The following C1QTNF2 variants were observed in gnomAD, a reference collection of about 807,000 sequenced individuals.
The protein encoded by C1QTNF2 is C1q and TNF related 2.
In C1QTNF2, 15 loss-of-function variants were observed where a neutral mutation model predicts 17.4. The observed-to-expected ratio is 0.86, with a 90% CI of 0.58 to 1.33. The LOEUF is 1.33. Among genes scored for constraint, C1QTNF2 ranks in the 40% most tolerant of loss-of-function variants. The pLI is 0.00. For synonymous variants in C1QTNF2, 154 were observed against 163.3 expected (o/e 0.94, Z 0.44); for missense variants, 381 against 392.3 (o/e 0.97, Z 0.24).
rs369324381 is a variant in C1QTNF2, at chr5:160,354,892, G to A, written c.120C>T (p.Gly40=). The A allele has an allele frequency of 1.2e-6, 2 of 1,604,744 alleles. No individual in the cohort carries two copies. The highest frequency in any genetic ancestry group is 1.1e-5 in the South Asian group (1 of 89,376). The change falls in exon 2 of 3, where the codon GGC becomes GGT. Residue 40 remains glycine, a synonymous_variant. Transcript: ENST00000652664. ...CTGGGGGGCCGGGTGGGCCCTGGGG[G>A]CCAGGCAGGCTGCAGACCAGTTGAG... is the stretch of plus-strand genomic sequence containing the variant. ...GSPQLVCSLP[G]PQGPPGPPGA... is the part of the protein sequence containing the mutation.
rs542361525 is a variant in C1QTNF2 at position 160,357,857 on chromosome 5, G to A, written c.-9-2837C>T. The stretch of plus-strand genomic sequence containing the variant: ...TGGCAGAAAAGAGAGCCAGCCGGAC[G>A]AGAGAGAGGGAGAGAGACAGGCAGA... On this transcript the variant is annotated intron_variant, in intron 1 of 2. Coordinates refer to ENST00000652664, the MANE Select transcript of C1QTNF2 (RefSeq NM_031908.6). Among the ~76,000 whole-genome samples the A allele has an allele frequency of 1.5e-4, 23 of 151,524 alleles. No homozygotes were observed. In the East Asian group the frequency reaches 3.9e-3, roughly 26 times the overall value.
At chr5:160,355,539 C>A (rs1370649139) in intron 1 of C1QTNF2, among the ~76,000 whole-genome samples, 2 of 152,132 alleles carry the variant, frequency 1.3e-5, no homozygotes, top group African/African-American at 4.8e-5. Context: ...CCTGAGTGAC[C>A]CTGGCAGGCC....
At chr5:160,356,824 A>G (rs1433043617) in intron 1 of C1QTNF2, among the ~76,000 whole-genome samples, 1 of 152,074 alleles carries the variant, frequency 6.6e-6, no homozygotes, top group Non-Finnish European at 1.5e-5. Flanking sequence ...GAGCCTGTCC[A>G]GGCTTTTCGG....
Position 160,349,905 on chromosome 5 carries a change from T to C in C1QTNF2, c.245-124A>G. 1 of 1,153,456 alleles carries C rather than the reference T, an allele frequency of 8.7e-7. No homozygotes were observed. Among genetic ancestry groups the C allele is most frequent in the Non-Finnish European group, 1.2e-6 (1 of 849,208 alleles). 71.5% of individuals were successfully genotyped at this position (1,153,456 alleles called of 1,614,324 possible). On this transcript the variant is annotated intron_variant, in intron 2 of 2. Transcript: ENST00000652664. The surrounding 1 kb of genome is among the most constrained non-coding windows in gnomAD (Gnocchi z 4.3). ...GGGTAATAGAAAGAACAAGAAGGCTTTGCAGACATATAGAAGTGGGTGTAA... is the reference window on the plus strand; with the variant it reads ...GGGTAATAGAAAGAACAAGAAGGCTCTGCAGACATATAGAAGTGGGTGTAA...
At chr5:160,366,309 T>G (rs1246535615) in intron 1 of C1QTNF2, among the ~76,000 whole-genome samples, 1 of 152,186 alleles carries the variant, frequency 6.6e-6, no homozygotes, top group Non-Finnish European at 1.5e-5. Flanking sequence ...CACACCTCCC[T>G]TACAGAGTAA....
chr5:160,366,023 G>A (rs2113535963), intron 1 of C1QTNF2, among the ~76,000 whole-genome samples: 1 of 152,238 alleles, frequency 6.6e-6, no homozygotes, highest in Middle Eastern at 3.4e-3. Context: ...GTTCTTTAGT[G>A]GTGATTTGTG....
intron 1 of C1QTNF2, among the ~76,000 whole-genome samples, chr5:160,358,431 T>C (rs1764092115): frequency 6.6e-6 from 1 of 151,936 alleles, no homozygotes; most frequent in South Asian, 2.1e-4. Context: ...CCCCAAGGAA[T>C]CCAGGCAGAT....
chr5:160,355,807 G>A (rs918508892), intron 1 of C1QTNF2, among the ~76,000 whole-genome samples: 2 of 112,792 alleles, frequency 1.8e-5, no homozygotes, highest in Non-Finnish European at 4.4e-5. Context: ...GATATTTCTT[G>A]CGATTTTTTT....
chr5:160,355,022 T>A lies in C1QTNF2; in HGVS notation c.-9-2A>T. ...CACCCAGGGGATCATGGTGGTTACC[T>A]GTGGGAGGCAAGAGAGCTGTGACAG... On this transcript the variant is annotated splice_acceptor_variant, in intron 1 of 2. Coordinates refer to ENST00000652664, the MANE Select transcript of C1QTNF2 (RefSeq NM_031908.6). LOFTEE classifies it low-confidence loss of function (5UTR_SPLICE). 5.8e-6 allele frequency: 9 copies of A among 1,543,300 alleles called. No individual in the cohort carries two copies. The highest frequency in any genetic ancestry group is 7.9e-6 in the Non-Finnish European group (9 of 1,144,702).
At chr5:160,361,439 G>A (rs895268883) in intron 1 of C1QTNF2, among the ~76,000 whole-genome samples, 2 of 152,190 alleles carry the variant, frequency 1.3e-5, no homozygotes, top group Non-Finnish European at 2.9e-5. Context: ...ACAGTCTCCC[G>A]TTGCAGATTG....
Position 160,370,545 on chromosome 5 carries a change from G to A in C1QTNF2, c.-43C>T, listed in dbSNP as rs962579600. ...CTGCCCGCCACGTCCAGGGGCGTCCGGAGCAAAGAAGCTCTCGGCGGGGCT... is the reference window on the plus strand; with the variant it reads ...CTGCCCGCCACGTCCAGGGGCGTCCAGAGCAAAGAAGCTCTCGGCGGGGCT... On this transcript the variant is annotated 5_prime_UTR_variant, in exon 1 of 3. Coordinates refer to ENST00000652664, the MANE Select transcript of C1QTNF2 (RefSeq NM_031908.6). 8 of 1,488,274 alleles carry A rather than the reference G, an allele frequency of 5.4e-6. No homozygotes were observed. Among genetic ancestry groups the A allele is most frequent in the Non-Finnish European group, 7.1e-6 (8 of 1,126,402 alleles). The allele number at this position is 1,488,274 out of a possible 1,614,324, so 92.2% of individuals were successfully genotyped here.
intron 1 of C1QTNF2, among the ~76,000 whole-genome samples, chr5:160,365,944 GC>G (rs2113535804): frequency 7.6e-6 from 1 of 131,638 alleles, no homozygotes; most frequent in African/African-American, 2.6e-5. Context: ...CAGCAGGTGA[GC>G]TTTTTTAAAA....
intron 1 of C1QTNF2, among the ~76,000 whole-genome samples, chr5:160,364,720 C>G (rs1467975044): frequency 1.3e-5 from 2 of 152,120 alleles, no homozygotes; most frequent in East Asian, 3.8e-4. Context: ...AAAAAAAGTC[C>G]TAGGGAGGCT....
chr5:160,354,979 G>A lies in C1QTNF2; in HGVS notation c.33C>T (p.Leu11=). ...CAAGCAGTGGGTCAGCAGCACAGGG[G>A]AGGGCACAGGCCAGGAGCACCCAGG... is the stretch of plus-strand genomic sequence containing the variant. MIPWVLLACA[L]PCAADPLLGA... The change falls in exon 2 of 3, where the codon CTC becomes CTT. Residue 11 remains leucine, a synonymous_variant. Coordinates refer to ENST00000652664, the MANE Select transcript of C1QTNF2 (RefSeq NM_031908.6). 1 of 1,590,190 alleles carries A rather than the reference G, an allele frequency of 6.3e-7. No individual in the cohort carries two copies. The highest frequency in any genetic ancestry group is 8.6e-7 in the Non-Finnish European group (1 of 1,169,376).
chr5:160,353,177 C>T (rs766652397), intron 2 of C1QTNF2, among the ~76,000 whole-genome samples: 2 of 152,126 alleles, frequency 1.3e-5, no homozygotes, highest in East Asian at 3.9e-4. Context: ...CTCCGGCACA[C>T]GATATGGATG....
At chr5:160,350,846 G>C (rs968378153) in intron 2 of C1QTNF2, among the ~76,000 whole-genome samples, 1 of 151,848 alleles carries the variant, frequency 6.6e-6, no homozygotes, top group African/African-American at 2.4e-5. Context: ...CGCCTCCCAG[G>C]TTCACACCAT....
In C1QTNF2 at chr5:160,349,693, C is replaced by G; in HGVS notation, c.333G>C (p.Lys111Asn). The G allele has an allele frequency of 6.2e-7, 1 of 1,604,988 alleles. No individual in the cohort carries two copies. Among genetic ancestry groups the G allele is most frequent in the Non-Finnish European group, 8.5e-7 (1 of 1,176,836 alleles). The change falls in exon 3 of 3, where the codon AAG (lysine) becomes AAC (asparagine). Residue 111 changes from lysine to asparagine, a missense_variant. By Grantham distance (94) the Lys-to-Asn change is moderately conservative. Coordinates refer to ENST00000652664, the MANE Select transcript of C1QTNF2 (RefSeq NM_031908.6). This position sits in a 1 kb window ranked among gnomAD's most constrained non-coding sequence, Gnocchi z 4.3. ...GCTTCCCGGGGGTACCGTTGACCCC[C>G]TTGGGGCCACGGGGGCCAGCCCGCC... ...AIGRAGPRGPKGVNGTPGKHG... is the reference protein window; with the variant it reads ...AIGRAGPRGPNGVNGTPGKHG...
At chr5:160,358,565 G>A (rs1561825392) in intron 1 of C1QTNF2, among the ~76,000 whole-genome samples, 1 of 151,098 alleles carries the variant, frequency 6.6e-6, no homozygotes, top group Non-Finnish European at 1.5e-5. Context: ...TTGGGCTCAA[G>A]TGATCCTCCT....
In C1QTNF2 at chr5:160,354,594, AAAAGTAT is replaced by A. The variant is rs1353621064; in HGVS notation, c.244+167_244+173del. On this transcript the variant is annotated intron_variant, in intron 2 of 2. Transcript: ENST00000652664. Reference sequence around the variant, plus strand: ...CCTCTGTCTCAAGGGGAAAAAAAAAAAAAGTATATATATATATATATATATATATATA... The same window carrying A: ...CCTCTGTCTCAAGGGGAAAAAAAAAAATATATATATATATATATATATATA... 1.3e-3 allele frequency among the ~76,000 whole-genome samples: 58 copies of A among 43,380 alleles called. 1 individual carries two copies. Among genetic ancestry groups the A allele is most frequent in the East Asian group, 0.012 (13 of 1,082 alleles). The allele number at this position is 43,380 out of a possible 152,430, so 28.5% of individuals were successfully genotyped here.
Sources: allele counts gnomAD v4.1 joint callset (sites outside exome capture counted in the v4.1 genomes callset), GRCh38; gene constraint gnomAD v4.1.1; non-coding constraint Gnocchi (gnomAD v3.1); transcripts MANE v1.5; gene names NCBI Gene and HGNC (gene_info 2026-07-23, HGNC 2026-07-21).